SH3PXD2A: variants seen among roughly 807,000 people sequenced by gnomAD.
SH3PXD2A encodes SH3 and PX domains 2A.
A neutral mutation model predicts 115.2 loss-of-function variants in SH3PXD2A; 32 were observed. That is an observed-to-expected ratio of 0.28 (90% CI 0.21 to 0.37). The LOEUF (loss-of-function observed/expected upper bound fraction) is 0.37. Among genes scored for constraint, SH3PXD2A ranks in the 10% least tolerant of loss-of-function variants. The probability of loss-of-function intolerance (pLI) is 1.00; values close to 1 mark genes in which losing one functional copy is unlikely to be tolerated. For missense variants in SH3PXD2A, 1,328 were observed against 1,498.7 expected (o/e 0.89, Z 1.88); for synonymous variants, 610 against 629.1 (o/e 0.97, Z 0.45).
chr10:103,678,080 C>G, intron 6 of SH3PXD2A: 1 of 1,274,670 alleles, frequency 7.8e-7, no homozygotes, highest in Non-Finnish European at 1.0e-6. Flanking sequence ...AGAAAAATTA[C>G]CCCTAAGCAG....
chr10:103,650,425 C>T (rs2037102248), intron 8 of SH3PXD2A, among the ~76,000 whole-genome samples: 1 of 152,240 alleles, frequency 6.6e-6, no homozygotes. Context: ...AGGAAAAGCT[C>T]TCTTTGTCTA....
chr10:103,622,598 G>A (rs771524928), intron 9 of SH3PXD2A, 45 bp from the exon 10 acceptor site: 46 of 1,322,938 alleles, frequency 3.5e-5, no homozygotes, highest in Non-Finnish European at 4.7e-5. Context: ...ACAGCAACCG[G>A]CGGAGAGAAT....
chr10:103,691,747 C>A (rs988033821), intron 6 of SH3PXD2A, among the ~76,000 whole-genome samples: 7 of 151,950 alleles, frequency 4.6e-5, no homozygotes, highest in African/African-American at 1.7e-4. Flanking sequence ...ATATCTCAAC[C>A]ACACACACAC....
chr10:103,678,375 A>G (rs1285442225), intron 6 of SH3PXD2A, among the ~76,000 whole-genome samples: 1 of 152,244 alleles, frequency 6.6e-6, no homozygotes, highest in Non-Finnish European at 1.5e-5. Context: ...TGACCCAGCT[A>G]TGCCCAGAAG....
intron 10 of SH3PXD2A, among the ~76,000 whole-genome samples, chr10:103,618,500 G>A (rs1260020033): frequency 2.0e-5 from 3 of 152,216 alleles, no homozygotes; most frequent in Admixed American, 6.5e-5. Context: ...ACCTTCTGGG[G>A]CAACAGGAGC....
chr10:103,597,143 A>T lies in SH3PXD2A; in HGVS notation c.*4673T>A, dbSNP rs1220478811. On this transcript the variant is annotated 3_prime_UTR_variant, in exon 15 of 15. Coordinates refer to ENST00000369774, the MANE Select transcript of SH3PXD2A (RefSeq NM_001394015.1). ...GACTCTCTGGGTGTGGAGCCCAGGC[A>T]GGGCTCACTTCTCAGGCTGAAGTCG... The T allele has an allele frequency of 6.6e-6, 1 of 152,658 alleles. No individual in the cohort carries two copies. Among genetic ancestry groups the T allele is most frequent in the Non-Finnish European group, 1.5e-5 (1 of 68,068 alleles). The allele number at this position is 152,658 out of a possible 1,614,324, so 9.5% of individuals were successfully genotyped here.
chr10:103,607,943 CT>C (rs1280904709), intron 13 of SH3PXD2A, among the ~76,000 whole-genome samples: 2 of 151,684 alleles, frequency 1.3e-5, no homozygotes, highest in Admixed American at 1.3e-4. Context: ...TAAACAGATG[CT>C]TGAAGGCAGC....
intron 13 of SH3PXD2A, among the ~76,000 whole-genome samples, chr10:103,607,104 A>G (rs372841141): frequency 2.1e-5 from 3 of 145,596 alleles, no homozygotes; most frequent in Non-Finnish European, 4.5e-5. Context: ...GTCTCTGCCC[A>G]GCCGCCCATC....
At chr10:103,607,330 T>A (rs1192677306) in intron 13 of SH3PXD2A, among the ~76,000 whole-genome samples, 1 of 150,632 alleles carries the variant, frequency 6.6e-6, no homozygotes, top group Non-Finnish European at 1.5e-5. Context: ...GAGGAGCCCC[T>A]CCGACCGGCA....
chr10:103,724,386 C>T, intron 4 of SH3PXD2A, 25 bp from the exon 5 acceptor site: 1 of 1,428,616 alleles, frequency 7.0e-7, no homozygotes, highest in Admixed American at 2.0e-5. Context: ...GAAGAAAGGG[C>T]ATTAGGTGTG....
chr10:103,727,905 C>G (rs1257549571), intron 4 of SH3PXD2A, among the ~76,000 whole-genome samples: 2 of 152,240 alleles, frequency 1.3e-5, no homozygotes, highest in African/African-American at 4.8e-5. Context: ...AATCATTTGG[C>G]AGGAGAGAGT....
At chr10:103,786,369 A>T (rs1171547334) in intron 2 of SH3PXD2A, among the ~76,000 whole-genome samples, 2 of 151,814 alleles carry the variant, frequency 1.3e-5, no homozygotes, top group Admixed American at 6.6e-5. Context: ...TCTTTTTTTT[A>T]AAAAAGGGGG....
At chr10:103,663,965 C>T (rs2037349475) in intron 7 of SH3PXD2A, among the ~76,000 whole-genome samples, 1 of 152,236 alleles carries the variant, frequency 6.6e-6, no homozygotes, top group Non-Finnish European at 1.5e-5. Flanking sequence ...ATGCAACCAA[C>T]AGCCGGGCAG....
At chr10:103,604,614 A>T (rs2036272481) in intron 14 of SH3PXD2A, among the ~76,000 whole-genome samples, 1 of 152,194 alleles carries the variant, frequency 6.6e-6, no homozygotes. Context: ...TAGCGTGAAA[A>T]CACTGGCACT....
intron 5 of SH3PXD2A, among the ~76,000 whole-genome samples, chr10:103,716,931 G>A (rs140742455): frequency 3.9e-5 from 6 of 152,342 alleles, no homozygotes; most frequent in South Asian, 2.1e-4. Flanking sequence ...GCTGCTGTGC[G>A]CTTCCACCCG....
intron 6 of SH3PXD2A, among the ~76,000 whole-genome samples, chr10:103,676,042 GGGAA>G (rs1448402207): frequency 1.3e-5 from 2 of 151,590 alleles, no homozygotes; most frequent in Admixed American, 1.3e-4. Context: ...TCCGTCTCGG[GGGAA>G]AAAAAAAAGA....
At chr10:103,801,222 A>C in intron 2 of SH3PXD2A, 60 bp downstream of exon 2, 2 of 999,936 alleles carry the variant, frequency 2.0e-6, no homozygotes, top group Non-Finnish European at 3.2e-6. Flanking sequence ...AAGCGAGGGT[A>C]TGAGAGAGGC....
At chr10:103,810,078 C>A (rs1210109827) in intron 1 of SH3PXD2A, among the ~76,000 whole-genome samples, 1 of 152,144 alleles carries the variant, frequency 6.6e-6, no homozygotes, top group Non-Finnish European at 1.5e-5. Context: ...TATTACCCTG[C>A]AGAATGAAGA....
chr10:103,751,944 G>T (rs1020342041), intron 3 of SH3PXD2A, among the ~76,000 whole-genome samples: 1 of 152,116 alleles, frequency 6.6e-6, no homozygotes, highest in Non-Finnish European at 1.5e-5. Flanking sequence ...GATATTTTGG[G>T]GCACTGTTAT....
Sources: gnomAD v4.1 joint callset for allele counts (sites outside exome capture counted in the v4.1 genomes callset) on GRCh38, gnomAD v4.1.1 for gene constraint, MANE v1.5 for transcripts, NCBI Gene and HGNC (gene_info 2026-07-23, HGNC 2026-07-21) for gene names.